The following GNB4 variants were observed in gnomAD, a reference collection of about 807,000 sequenced individuals.
GNB4 encodes G protein subunit beta 4.
A neutral mutation model predicts 45.2 loss-of-function variants in GNB4; 28 were observed. The ratio of observed to expected loss-of-function variants is 0.62; its 90% CI spans 0.46 to 0.85. GNB4 has a LOEUF of 0.85. Ranked by LOEUF, GNB4 falls within the 40% of genes least tolerant of loss-of-function variation. The probability of loss-of-function intolerance (pLI) is 0.00; values close to 1 mark genes in which losing one functional copy is unlikely to be tolerated. For missense variants in GNB4, 321 were observed against 425.4 expected (o/e 0.75, Z 2.16); for synonymous variants, 132 against 143.7 (o/e 0.92, Z 0.58).
the GNB4 span, among the ~76,000 whole-genome samples, chr3:179,472,528 T>C: frequency 2.8e-4 from 42 of 151,950 alleles, no homozygotes; most frequent in Non-Finnish European, 5.0e-4. Flanking sequence ...TGTGTCACTA[T>C]ACCTGGCAAG....
At chr3:179,510,277 C>T in the GNB4 span, among the ~76,000 whole-genome samples, 5 of 152,180 alleles carry the variant, frequency 3.3e-5, no homozygotes, top group African/African-American at 9.6e-5. Context: ...TTGCCACTGT[C>T]AGTACTGAAT....
the GNB4 span, among the ~76,000 whole-genome samples, chr3:179,457,907 T>C: frequency 6.7e-6 from 1 of 149,428 alleles, no homozygotes; most frequent in African/African-American, 2.4e-5. Flanking sequence ...TTTAGTTCTT[T>C]TTTTTTTTTT....
At chr3:179,428,748 G>T (rs1715219480) in intron 1 of GNB4, among the ~76,000 whole-genome samples, 1 of 152,122 alleles carries the variant, frequency 6.6e-6, no homozygotes. Context: ...TAGGACCAAA[G>T]GCATGAGTCG....
At chr3:179,422,877 C>CAGGAGAATCACT (rs1715032965) in intron 2 of GNB4, among the ~76,000 whole-genome samples, 1 of 152,150 alleles carries the variant, frequency 6.6e-6, no homozygotes, top group Non-Finnish European at 1.5e-5. Flanking sequence ...ACTGCAAGCT[C>CAGGAGAATCACT]TGCCTCTCAG....
chr3:179,437,914 A>T (rs1248932263), intron 1 of GNB4: 2 of 152,090 alleles, frequency 1.3e-5, no homozygotes, highest in East Asian at 3.9e-4. Context: ...AAAAAAAAAA[A>T]TTAAAAAATT....
At chr3:179,487,125 G>C in the GNB4 span, among the ~76,000 whole-genome samples, 3 of 152,244 alleles carry the variant, frequency 2.0e-5, no homozygotes, top group Middle Eastern at 6.8e-3. Flanking sequence ...GAGTCATTTA[G>C]TGCAAAATGT....
chr3:179,461,203 A>G, the GNB4 span, among the ~76,000 whole-genome samples: 1 of 152,146 alleles, frequency 6.6e-6, no homozygotes, highest in African/African-American at 2.4e-5. Context: ...CCCCTTCCCC[A>G]GACCCTGCCA....
At chr3:179,419,686 A>G (rs1714920596) in intron 3 of GNB4, among the ~76,000 whole-genome samples, 181 bp from the exon 4 acceptor site, 1 of 152,188 alleles carries the variant, frequency 6.6e-6, no homozygotes, top group Non-Finnish European at 1.5e-5. Context: ...GAAAATTATG[A>G]TTAGTTTAAA....
the GNB4 span, among the ~76,000 whole-genome samples, chr3:179,470,878 A>G: frequency 2.3e-4 from 35 of 152,308 alleles, no homozygotes; most frequent in Middle Eastern, 3.4e-3. Flanking sequence ...AAAAGTATAC[A>G]AAGTAAAAAA....
intron 1 of GNB4, 176 bp downstream of exon 1, chr3:179,451,170 T>C (rs7611452): frequency 0.55 from 83,801 of 151,628 alleles, 24,083 homozygotes; most frequent in African/African-American, 0.7. Flanking sequence ...CGCGCCCTCC[T>C]CGTCCCTCCC....
At chr3:179,475,526 G>C in the GNB4 span, among the ~76,000 whole-genome samples, 2 of 151,974 alleles carry the variant, frequency 1.3e-5, no homozygotes, top group Non-Finnish European at 2.9e-5. Flanking sequence ...AGGCTGGAAT[G>C]CAATGGCGAG....
upstream of GNB4, among the ~76,000 whole-genome samples, chr3:179,451,784 G>A (rs1715889384): frequency 6.6e-6 from 1 of 152,222 alleles, no homozygotes; most frequent in Non-Finnish European, 1.5e-5. Flanking sequence ...TCTAAGTGGC[G>A]TGGCCAGTTT....
chr3:179,484,808 A>G, the GNB4 span, among the ~76,000 whole-genome samples: 1 of 148,806 alleles, frequency 6.7e-6, no homozygotes, highest in Non-Finnish European at 1.5e-5. Flanking sequence ...AACTATATCA[A>G]CTATATCTAA....
At chr3:179,409,840 A>C (rs1714599027) in intron 8 of GNB4, among the ~76,000 whole-genome samples, 1 of 151,946 alleles carries the variant, frequency 6.6e-6, no homozygotes, top group Non-Finnish European at 1.5e-5. Context: ...AAACAAAAAA[A>C]AAACTAGAAA....
the GNB4 span, among the ~76,000 whole-genome samples, chr3:179,476,579 T>G: frequency 6.6e-6 from 1 of 152,222 alleles, no homozygotes; most frequent in Admixed American, 6.5e-5. Context: ...GTTCATTCAG[T>G]ATTGCCCTAG....
In GNB4 at chr3:179,420,470, A is replaced by ATT. The variant is rs1168351312; in HGVS notation, c.96+417_96+418dup. On this transcript the variant is annotated intron_variant, in intron 3 of 9. Transcript: ENST00000232564. ...AATATATATACATATATATATATATATTTTTTTTTGAGACGGCGTCTCACT... is the reference window on the plus strand; with the variant it reads ...AATATATATACATATATATATATATATTTTTTTTTTTGAGACGGCGTCTCACT... Among the ~76,000 whole-genome samples, 12 of 119,238 alleles carry ATT rather than the reference A, an allele frequency of 1.0e-4. No individual in the cohort carries two copies. The East Asian group carries it at 3.5e-3, about 35-fold the overall frequency. 78.2% of individuals were successfully genotyped at this position (119,238 alleles called of 152,430 possible). A position where few individuals can be genotyped will look rare whatever the true frequency, so the allele number is the denominator to read the frequency against.
intron 1 of GNB4, among the ~76,000 whole-genome samples, chr3:179,428,577 C>G (rs557916335): frequency 6.6e-6 from 1 of 152,268 alleles, no homozygotes; most frequent in South Asian, 2.1e-4. Flanking sequence ...TGGGTAAGCA[C>G]AACTAGTTTA....
chr3:179,511,377 G>T, the GNB4 span, among the ~76,000 whole-genome samples: 1 of 152,222 alleles, frequency 6.6e-6, no homozygotes, highest in Non-Finnish European at 1.5e-5. Context: ...AACTGTATAA[G>T]ATAATTGATT....
chr3:179,498,441 G>T, the GNB4 span, among the ~76,000 whole-genome samples: 4 of 152,084 alleles, frequency 2.6e-5, no homozygotes, highest in Non-Finnish European at 5.9e-5. Flanking sequence ...TTGTTTTTTT[G>T]TTTGTTTGTT....
Sources: allele counts gnomAD v4.1 joint callset (sites outside exome capture counted in the v4.1 genomes callset), GRCh38; gene constraint gnomAD v4.1.1; transcripts MANE v1.5; gene names NCBI Gene and HGNC (gene_info 2026-07-23, HGNC 2026-07-21).